VIT: variants seen among roughly 807,000 people sequenced by gnomAD.
VIT encodes the protein vitrin.
VIT carries 99 observed loss-of-function variants against 78.0 expected under a neutral mutation model. That is an observed-to-expected ratio of 1.27 (90% CI 1.08 to 1.50). VIT has a LOEUF of 1.50. VIT is among the 40% of genes most tolerant of loss of function. The pLI, the probability that VIT is intolerant of heterozygous loss-of-function variation, is 0.00. For missense variants in VIT, 1,126 were observed against 875.3 expected, an observed-to-expected ratio of 1.29 and a Z score of -3.61; for synonymous variants, 374 against 334.3, an observed-to-expected ratio of 1.12 and a Z score of -1.29.
In VIT at chr2:36,783,377, G is replaced by A; in HGVS notation, c.885G>A (p.Leu295=). 6.2e-7 allele frequency: 1 copy of A among 1,614,154 alleles called. No homozygotes were observed. Among genetic ancestry groups the A allele is most frequent in the Non-Finnish European group, 8.5e-7 (1 of 1,180,012 alleles). The change falls in exon 11 of 16, where the codon TTG becomes TTA. Residue 295 remains leucine (L), a synonymous_variant. Coordinates refer to ENST00000379242, the MANE Select transcript of VIT (RefSeq NM_053276.4). Reference sequence around the variant, plus strand: ...AAGAAGAATTGAGCACACAGTCTTTGGAGCCAGTATCCCTGGGAGATCCAA... The same window carrying A: ...AAGAAGAATTGAGCACACAGTCTTTAGAGCCAGTATCCCTGGGAGATCCAA... ...VPKEELSTQS[L]EPVSLGDPNC...
chr2:36,767,614 G>T (rs1669513983), intron 7 of VIT, among the ~76,000 whole-genome samples: 1 of 152,162 alleles, frequency 6.6e-6, no homozygotes. Flanking sequence ...AGTGACAAAT[G>T]GTACAGACTT....
At chr2:36,763,288 C>A (rs992023768) in intron 6 of VIT, among the ~76,000 whole-genome samples, 1 of 152,106 alleles carries the variant, frequency 6.6e-6, no homozygotes, top group East Asian at 1.9e-4. Context: ...TGTGGCACCA[C>A]CTGCTATGTT....
intron 15 of VIT, among the ~76,000 whole-genome samples, chr2:36,810,868 T>C (rs569763489): frequency 1.2e-4 from 19 of 152,118 alleles, no homozygotes; most frequent in Non-Finnish European, 2.6e-4. Context: ...TCCTGACCTA[T>C]AGCCATCCAC....
chr2:36,801,529 C>T (rs572416432), intron 13 of VIT, 125 bp downstream of exon 13: 49 of 892,880 alleles, frequency 5.5e-5, no homozygotes, highest in East Asian at 5.4e-4. Flanking sequence ...AACTTCTGGT[C>T]GGGCGTGGTG....
At chr2:36,705,835 T>G (rs1356021727) in intron 1 of VIT, among the ~76,000 whole-genome samples, 1 of 152,224 alleles carries the variant, frequency 6.6e-6, no homozygotes, top group East Asian at 1.9e-4. Context: ...CTGGCGCTAT[T>G]GGCCTGTGGG....
intron 3 of VIT, among the ~76,000 whole-genome samples, chr2:36,738,610 G>A (rs1191935263): frequency 6.6e-6 from 1 of 152,086 alleles, no homozygotes; most frequent in Non-Finnish European, 1.5e-5. Flanking sequence ...AAAAGTCCCT[G>A]CCCTCATGAA....
intron 8 of VIT, 177 bp from the exon 9 acceptor site, chr2:36,774,825 C>T: frequency 1.0e-6 from 1 of 985,344 alleles, no homozygotes; most frequent in Non-Finnish European, 1.2e-6. Context: ...TCCTCCTGTC[C>T]CCTTGGCCAA....
At chr2:36,804,271 A>G (rs965006851) in intron 13 of VIT, among the ~76,000 whole-genome samples, 2 of 152,250 alleles carry the variant, frequency 1.3e-5, no homozygotes, top group Admixed American at 6.5e-5. Context: ...GCTAGAACAC[A>G]GTCTGTCAGT....
At chr2:36,796,715 T>A (rs983164414) in intron 12 of VIT, among the ~76,000 whole-genome samples, 3 of 152,262 alleles carry the variant, frequency 2.0e-5, no homozygotes, top group African/African-American at 7.2e-5. Context: ...GATCCTCCTG[T>A]CTTGGCCTCT....
In VIT at chr2:36,783,367, C is replaced by T; in HGVS notation, c.875C>T (p.Thr292Ile). 6.2e-7 allele frequency: 1 copy of T among 1,614,168 alleles called. No homozygotes were observed. Residue 292 changes from threonine (T) to isoleucine (I), a missense_variant, in exon 11 of 16, where the codon ACA (threonine) becomes ATA (isoleucine). Coordinates refer to ENST00000379242, the MANE Select transcript of VIT (RefSeq NM_053276.4). The stretch of plus-strand genomic sequence containing the variant: ...CTTGTTCCAAAAGAAGAATTGAGCA[C>T]ACAGTCTTTGGAGCCAGTATCCCTG... ...EGLVPKEELS[T>I]QSLEPVSLGD...
rs1246914924 is a variant in VIT at position 36,759,013 on chromosome 2, T to C, written c.454T>C (p.Tyr152His). The stretch of plus-strand genomic sequence containing the variant: ...TGTAACCTACCCATCAGCTCTTACA[T>C]ACTCATCATCGAAAAGTCCAGCTGC... ...KGVTYPSALT[Y>H]SSSKSPAAQA... The change falls in exon 6 of 16, where the codon TAC becomes CAC. Residue 152 changes from tyrosine to histidine, a missense_variant. Physicochemically the swap from Tyr to His is moderately conservative, Grantham distance 83 (BLOSUM62 2). Coordinates refer to ENST00000379242, the MANE Select transcript of VIT (RefSeq NM_053276.4). The C allele has an allele frequency of 4.3e-6, 7 of 1,614,012 alleles. No individual in the cohort carries two copies. The highest frequency in any genetic ancestry group is 5.9e-6 in the Non-Finnish European group (7 of 1,180,020).
chr2:36,721,573 G>A (rs1224927449), intron 2 of VIT, among the ~76,000 whole-genome samples: 2 of 152,156 alleles, frequency 1.3e-5, no homozygotes, highest in African/African-American at 4.8e-5. Flanking sequence ...CAAACTCAGT[G>A]TTTTCCCTTT....
chr2:36,803,742 C>T (rs1195732152), intron 13 of VIT, among the ~76,000 whole-genome samples: 3 of 152,064 alleles, frequency 2.0e-5, no homozygotes, highest in African/African-American at 7.3e-5. Context: ...AGGATGCTGG[C>T]CAAAATCAGA....
chr2:36,731,647 G>C (rs1172687273), intron 3 of VIT, among the ~76,000 whole-genome samples: 1 of 152,120 alleles, frequency 6.6e-6, no homozygotes, highest in Non-Finnish European at 1.5e-5. Flanking sequence ...AAGAAGAATT[G>C]ATATTGGGAA....
intron 7 of VIT, among the ~76,000 whole-genome samples, chr2:36,770,390 G>A (rs545977864): frequency 2.6e-5 from 4 of 152,164 alleles, no homozygotes; most frequent in Non-Finnish European, 5.9e-5. Context: ...AAGGGAGAGC[G>A]GAAAGTACAT....
intron 9 of VIT, among the ~76,000 whole-genome samples, chr2:36,777,256 T>C (rs1670132234): frequency 6.6e-6 from 1 of 151,486 alleles, no homozygotes; most frequent in South Asian, 2.1e-4. Flanking sequence ...TTTGGGGTCT[T>C]TGACAATTTC....
chr2:36,750,291 G>A (rs1668379021), intron 4 of VIT, among the ~76,000 whole-genome samples: 1 of 152,210 alleles, frequency 6.6e-6, no homozygotes, highest in African/African-American at 2.4e-5. Flanking sequence ...CCAGCCCACA[G>A]CACCATCAGC....
chr2:36,795,570 G>A (rs916256598), intron 12 of VIT, among the ~76,000 whole-genome samples: 11 of 151,564 alleles, frequency 7.3e-5, no homozygotes, highest in Admixed American at 6.6e-4. Flanking sequence ...ATGCCACCAC[G>A]CCCGGCTAAT....
Position 36,814,468 on chromosome 2 carries a change from A to G in VIT, c.*107A>G, listed in dbSNP as rs887181219. ...CGGTGCATCAAGTCTTGGGCAGGGC[A>G]TGGAGAAACAAATGTCTTGTTATTA... On this transcript the variant is annotated 3_prime_UTR_variant, in exon 16 of 16. Coordinates refer to ENST00000379242, the MANE Select transcript of VIT (RefSeq NM_053276.4). 26 of 1,312,128 alleles carry G rather than the reference A, an allele frequency of 2.0e-5. No homozygotes were observed. The Admixed American group carries it at 5.7e-4, about 29-fold the overall frequency. The allele number at this position is 1,312,128 out of a possible 1,614,324, so 81.3% of individuals were successfully genotyped here.
Sources: allele counts gnomAD v4.1 joint callset (sites outside exome capture counted in the v4.1 genomes callset), GRCh38; gene constraint gnomAD v4.1.1; transcripts MANE v1.5; gene names NCBI Gene and HGNC (gene_info 2026-07-23, HGNC 2026-07-21).